Variants in MYOM1 observed in about 807,000 individuals in gnomAD.
MYOM1 encodes the protein myomesin 1.
Under a neutral mutation model 205.3 loss-of-function variants are expected in MYOM1, and 164 were observed. That is an observed-to-expected ratio of 0.80 (90% CI 0.70 to 0.91). MYOM1 has a LOEUF of 0.91. Among genes scored for constraint, MYOM1 ranks in the 40% least tolerant of loss-of-function variants. The pLI, the probability that MYOM1 is intolerant of heterozygous loss-of-function variation, is 0.00. For synonymous variants in MYOM1, 772 were observed against 789.4 expected (o/e 0.98, Z 0.37); for missense variants, 2,011 against 2,127.3 (o/e 0.95, Z 1.08).
chr18:3,135,384 AAAT>A lies in MYOM1; in HGVS notation c.2209+160_2209+162del. ...AAAGAAGTTTACTTTTCATAAACAA[AAAT>A]AATGAATTTTTGTTTAATGTATAGG... is the stretch of plus-strand genomic sequence containing the variant. On this transcript the variant is annotated intron_variant, in intron 15 of 37. Transcript: ENST00000356443. This position sits in a 1 kb window ranked among gnomAD's most constrained non-coding sequence, Gnocchi z 4.1. The A allele has an allele frequency of 3.5e-6, 2 of 576,712 alleles. No individual in the cohort carries two copies. The highest frequency in any genetic ancestry group is 5.7e-6 in the Non-Finnish European group (2 of 348,962). The allele number at this position is 576,712 out of a possible 1,614,324, so 35.7% of individuals were successfully genotyped here. A position where few individuals can be genotyped will look rare whatever the true frequency, so the allele number is the denominator to read the frequency against.
chr18:3,237,715 T>C, the MYOM1 span, among the ~76,000 whole-genome samples: 2 of 152,022 alleles, frequency 1.3e-5, no homozygotes, highest in African/African-American at 4.8e-5. Context: ...AATACTCTTA[T>C]GATTCCATAA....
chr18:3,161,650 C>T (rs992313046), intron 10 of MYOM1, among the ~76,000 whole-genome samples: 9 of 152,212 alleles, frequency 5.9e-5, no homozygotes, highest in African/African-American at 2.2e-4. Flanking sequence ...CTGGATCATA[C>T]CCAACTTTCA....
At chr18:3,094,450 G>C (rs554368772) in intron 25 of MYOM1, 144 bp from the exon 26 acceptor site, 1 of 836,190 alleles carries the variant, frequency 1.2e-6, no homozygotes, top group Admixed American at 3.0e-5. Flanking sequence ...CAGAGGCAGT[G>C]AGAGTTGCAG....
the MYOM1 span, among the ~76,000 whole-genome samples, chr18:3,231,542 T>TTC: frequency 6.7e-6 from 1 of 149,580 alleles, no homozygotes; most frequent in African/African-American, 2.5e-5. Context: ...TCCTTTTTTT[T>TTC]TTTTTTTTTT....
At chr18:3,190,258 G>A (rs2080885055) in intron 3 of MYOM1, 1 of 152,150 alleles carries the variant, frequency 6.6e-6, no homozygotes, top group South Asian at 2.1e-4. Flanking sequence ...TGTTTCGTGA[G>A]AGAGTGTATT....
At chr18:3,082,049 A>C (rs1598652282) in intron 33 of MYOM1, among the ~76,000 whole-genome samples, 2 of 152,180 alleles carry the variant, frequency 1.3e-5, no homozygotes, top group South Asian at 2.1e-4. Flanking sequence ...AGATTCTTAT[A>C]AGGAGCGCAC....
In MYOM1 at chr18:3,187,475, C is replaced by T. The variant is rs371668579; in HGVS notation, c.929+5G>A. ...ATTCTGTTAGCTTTCATAAAGATAA[C>T]ATACCACGTGACACGAGGTTCTGGC... On this transcript the variant is annotated splice_donor_5th_base_variant and intron_variant, in intron 5 of 37. Coordinates refer to ENST00000356443, the MANE Select transcript of MYOM1 (RefSeq NM_003803.4). 6.2e-7 allele frequency: 1 copy of T among 1,612,292 alleles called. No individual in the cohort carries two copies. The highest frequency in any genetic ancestry group is 8.5e-7 in the Non-Finnish European group (1 of 1,178,706).
intron 22 of MYOM1, among the ~76,000 whole-genome samples, chr18:3,105,526 C>T (rs1355640813): frequency 1.3e-5 from 2 of 152,030 alleles, no homozygotes; most frequent in Non-Finnish European, 2.9e-5. Flanking sequence ...TTTTGAATGG[C>T]CAAATTTGGT....
upstream of MYOM1, among the ~76,000 whole-genome samples, chr18:3,224,859 G>T (rs1288847286): frequency 1.3e-5 from 2 of 152,004 alleles, no homozygotes; most frequent in African/African-American, 4.8e-5. Flanking sequence ...TAGAGACAGG[G>T]TTTCACCATC....
intron 19 of MYOM1, among the ~76,000 whole-genome samples, chr18:3,125,898 G>A (rs1042016732): frequency 1.3e-5 from 2 of 152,092 alleles, no homozygotes; most frequent in Non-Finnish European, 2.9e-5. Context: ...ACTATAACAA[G>A]CACCACTTCA....
chr18:3,128,820 G>A (rs1379318408), intron 18 of MYOM1, among the ~76,000 whole-genome samples: 3 of 152,144 alleles, frequency 2.0e-5, no homozygotes, highest in Non-Finnish European at 4.4e-5. Context: ...ACCCTGGTAC[G>A]ATGTCACCTT....
At chr18:3,233,680 T>TATGAATGGAAACTGTCC in the MYOM1 span, among the ~76,000 whole-genome samples, 1 of 152,204 alleles carries the variant, frequency 6.6e-6, no homozygotes, top group African/African-American at 2.4e-5. Flanking sequence ...TGACAAGTCA[T>TATGAATGGAAACTGTCC]ATGAATGGAA....
intron 10 of MYOM1, among the ~76,000 whole-genome samples, chr18:3,161,259 A>G (rs1389770953): frequency 6.6e-6 from 1 of 152,182 alleles, no homozygotes; most frequent in African/African-American, 2.4e-5. Flanking sequence ...ATATTCAGGT[A>G]TCTATACCAG....
At chr18:3,090,536 A>C (rs2079211226) in intron 27 of MYOM1, 122 bp downstream of exon 27, 7 of 1,305,768 alleles carry the variant, frequency 5.4e-6, no homozygotes, top group Non-Finnish European at 7.5e-6. Context: ...TGTATTTTGA[A>C]CATTAGAAGT....
At chr18:3,243,807 T>A in the MYOM1 span, among the ~76,000 whole-genome samples, 1 of 152,196 alleles carries the variant, frequency 6.6e-6, no homozygotes, top group African/African-American at 2.4e-5. Context: ...CTCACAGGGT[T>A]GTTGTAAGAA....
In MYOM1 at chr18:3,215,108, T is replaced by TA. The variant is rs1390839170; in HGVS notation, c.115dup (p.Tyr39LeufsTer43). 1 of 1,613,834 alleles carries TA rather than the reference T, an allele frequency of 6.2e-7. No individual in the cohort carries two copies. The highest frequency in any genetic ancestry group is 2.2e-5 in the East Asian group (1 of 44,854). On this transcript the variant is annotated frameshift_variant, in exon 2 of 38. Transcript: ENST00000356443. LOFTEE classifies it high-confidence loss of function. ...GCTGTAGGCCGTGGAGCCCTGGGTG[T>TA]AGACGGCGGAGCGTTTCTTCTCCCG... is the stretch of plus-strand genomic sequence containing the variant.
At chr18:3,139,593 T>C (rs1044158512) in intron 14 of MYOM1, among the ~76,000 whole-genome samples, 1 of 152,156 alleles carries the variant, frequency 6.6e-6, no homozygotes, top group Non-Finnish European at 1.5e-5. Context: ...TCAGAACAGC[T>C]ACATCAGAAA....
Position 3,151,887 on chromosome 18 carries a change from C to A in MYOM1, c.1650G>T (p.Glu550Asp), listed in dbSNP as rs373255016. The A allele has an allele frequency of 1.9e-6, 3 of 1,611,840 alleles. No individual in the cohort carries two copies. The highest frequency in any genetic ancestry group is 2.5e-6 in the Non-Finnish European group (3 of 1,178,510). Reference sequence around the variant, plus strand: ...ACTGCGACCAGCTATCTGTGCCCACCTCACACCTAAAGGAATGAGCGTGAT... The same window carrying A: ...ACTGCGACCAGCTATCTGTGCCCACATCACACCTAAAGGAATGAGCGTGAT... ...PILGYFIDKC[E>D]VGTDSWSQCN... Residue 550 changes from glutamate (E) to aspartate (D), a missense_variant, in exon 12 of 38, where the codon GAG becomes GAT. Physicochemically the swap from Glu to Asp is conservative, Grantham distance 45 (BLOSUM62 2). Coordinates refer to ENST00000356443, the MANE Select transcript of MYOM1 (RefSeq NM_003803.4).
chr18:3,240,307 G>A, the MYOM1 span, among the ~76,000 whole-genome samples: 1 of 152,180 alleles, frequency 6.6e-6, no homozygotes, highest in Non-Finnish European at 1.5e-5. Flanking sequence ...TGGTTTGGCT[G>A]TGTCCCCACC....
Sources: allele counts gnomAD v4.1 joint callset (sites outside exome capture counted in the v4.1 genomes callset), GRCh38; gene constraint gnomAD v4.1.1; non-coding constraint Gnocchi (gnomAD v3.1); transcripts MANE v1.5; gene names NCBI Gene and HGNC (gene_info 2026-07-23, HGNC 2026-07-21).